The following EPS15L1 variants were observed in gnomAD, a reference collection of about 807,000 sequenced individuals.
The protein encoded by EPS15L1 is epidermal growth factor receptor substrate 15-like 1.
In EPS15L1, 43 loss-of-function variants were observed where a neutral mutation model predicts 117.1. The ratio of observed to expected loss-of-function variants is 0.37; its 90% CI spans 0.29 to 0.47. The LOEUF (loss-of-function observed/expected upper bound fraction) is 0.47. EPS15L1 is among the 20% of genes least tolerant of loss of function. The probability of loss-of-function intolerance (pLI) is 0.99; values close to 1 mark genes in which losing one functional copy is unlikely to be tolerated. For synonymous variants in EPS15L1, 459 were observed against 470.5 expected (o/e 0.98, Z 0.32); for missense variants, 981 against 1,164.0 (o/e 0.84, Z 2.29).
At chr19:16,419,197 T>C (rs986676796) in intron 10 of EPS15L1, among the ~76,000 whole-genome samples, 1 of 152,204 alleles carries the variant, frequency 6.6e-6, no homozygotes, top group Non-Finnish European at 1.5e-5. Flanking sequence ...CAATGGCTCA[T>C]GCCTGTGTTC....
chr19:16,380,183 C>T (rs571707701), intron 21 of EPS15L1, among the ~76,000 whole-genome samples: 3 of 150,798 alleles, frequency 2.0e-5, no homozygotes, highest in African/African-American at 7.3e-5. Flanking sequence ...GTCACACAGA[C>T]GTGGCCGTGT....
At chr19:16,368,048 C>T (rs1348208038) in intron 22 of EPS15L1, among the ~76,000 whole-genome samples, 4 of 151,994 alleles carry the variant, frequency 2.6e-5, no homozygotes, top group Admixed American at 6.6e-5. Flanking sequence ...CAGTTCAGTG[C>T]TGTACTTGGA....
Position 16,390,454 on chromosome 19 carries a change from AAAAC to A in EPS15L1, c.2103+1846_2103+1849del, listed in dbSNP as rs913390575. ...CTCTCTCAGACACTGGTAGGACTAA[AAAAC>A]AAACAAACAAGACACAGATAATCTG... is the stretch of plus-strand genomic sequence containing the variant. On this transcript the variant is annotated intron_variant, in intron 19 of 23. Coordinates refer to ENST00000455140, the MANE Select transcript of EPS15L1 (RefSeq NM_001258374.3). Among the ~76,000 whole-genome samples the A allele has an allele frequency of 1.9e-3, 286 of 152,292 alleles. 2 individuals carry two copies. Among genetic ancestry groups the A allele is most frequent in the Non-Finnish European group, 8.2e-4 (56 of 68,022 alleles).
At chr19:16,432,968 C>T (rs2092943843) in intron 7 of EPS15L1, among the ~76,000 whole-genome samples, 2 of 149,700 alleles carry the variant, frequency 1.3e-5, no homozygotes, top group South Asian at 4.2e-4. Context: ...CCACACCTGG[C>T]TAGTTTTTTG....
At chr19:16,390,055 A>C (rs965814928) in intron 19 of EPS15L1, among the ~76,000 whole-genome samples, 2 of 152,154 alleles carry the variant, frequency 1.3e-5, no homozygotes, top group African/African-American at 4.8e-5. Flanking sequence ...TGGACTAAAC[A>C]TTACACTTAC....
chr19:16,384,537 C>T (rs2092398569), intron 21 of EPS15L1, among the ~76,000 whole-genome samples: 2 of 152,190 alleles, frequency 1.3e-5, no homozygotes, highest in African/African-American at 4.8e-5. Flanking sequence ...AGAAGCCCTA[C>T]AGCTGTCTGG....
chr19:16,441,594 A>C, intron 3 of EPS15L1: 1 of 201,934 alleles, frequency 5.0e-6, no homozygotes. Flanking sequence ...GCGCCGCTGC[A>C]TTCCAGCCTA....
chr19:16,363,908 G>C (rs1451181995), intron 22 of EPS15L1, among the ~76,000 whole-genome samples: 1 of 152,232 alleles, frequency 6.6e-6, no homozygotes, highest in Non-Finnish European at 1.5e-5. Flanking sequence ...CCCACGGTTT[G>C]CACAGAAGGA....
In EPS15L1 at chr19:16,434,471, A is replaced by T. The variant is rs1358596029; in HGVS notation, c.392T>A (p.Phe131Tyr). 1 of 1,613,910 alleles carries T rather than the reference A, an allele frequency of 6.2e-7. No homozygotes were observed. Among genetic ancestry groups the T allele is most frequent in the Non-Finnish European group, 8.5e-7 (1 of 1,179,988 alleles). The change falls in exon 7 of 24, where the codon TTT (phenylalanine) becomes TAT (tyrosine). Residue 131 changes from phenylalanine to tyrosine, a missense_variant. By Grantham distance (22) the Phe-to-Tyr change is conservative (BLOSUM62 3). Coordinates refer to ENST00000455140, the MANE Select transcript of EPS15L1 (RefSeq NM_001258374.3). ...CAAGAGGCTTTCAAAAATCCCATCA[A>T]ATTTGGCCTTTTCTTCCACCTAGTT... ...WAVRVEEKAK[F>Y]DGIFESLLPI...
Position 16,375,466 on chromosome 19 carries a change from A to ATGTG in EPS15L1, c.2380+1652_2380+1655dup, listed in dbSNP as rs3082716. ...GTGCATGCATTGTGATTATGCATAT[A>ATGTG]TGTGTGTGTGTGTGTGTGTGTGTGT... On this transcript the variant is annotated intron_variant, in intron 22 of 23. Coordinates refer to ENST00000455140, the MANE Select transcript of EPS15L1 (RefSeq NM_001258374.3). 3.2e-3 allele frequency among the ~76,000 whole-genome samples: 478 copies of ATGTG among 149,410 alleles called. 3 individuals are homozygous for ATGTG. The highest frequency in any genetic ancestry group is 0.01 in the African/African-American group (421 of 40,760).
At chr19:16,464,983 G>A (rs1346036409) in intron 1 of EPS15L1, among the ~76,000 whole-genome samples, 1 of 151,950 alleles carries the variant, frequency 6.6e-6, no homozygotes, top group East Asian at 1.9e-4. Flanking sequence ...GGAGGCTGAG[G>A]CAGTAGAATG....
chr19:16,440,319 G>A (rs2093018652), intron 4 of EPS15L1, among the ~76,000 whole-genome samples: 1 of 151,636 alleles, frequency 6.6e-6, no homozygotes, highest in Non-Finnish European at 1.5e-5. Context: ...TGTAATCCCA[G>A]CTACTCCAGA....
chr19:16,396,527 G>A (rs1394541008), intron 16 of EPS15L1, among the ~76,000 whole-genome samples: 1 of 152,122 alleles, frequency 6.6e-6, no homozygotes, highest in Non-Finnish European at 1.5e-5. Context: ...GCCTCCCAAC[G>A]TACTGGGATT....
chr19:16,451,622 G>A (rs1377102436), intron 1 of EPS15L1, among the ~76,000 whole-genome samples: 3 of 150,934 alleles, frequency 2.0e-5, no homozygotes, highest in East Asian at 2.0e-4. Flanking sequence ...TCCACCTCCC[G>A]GGTTCACGCC....
At chr19:16,399,477 T>C (rs2092574556) in intron 16 of EPS15L1, among the ~76,000 whole-genome samples, 1 of 152,138 alleles carries the variant, frequency 6.6e-6, no homozygotes, top group South Asian at 2.1e-4. Context: ...ACGGCAACTC[T>C]GAAAGGGGGC....
chr19:16,414,108 TA>T (rs1367634285), intron 12 of EPS15L1, among the ~76,000 whole-genome samples: 2 of 152,096 alleles, frequency 1.3e-5, no homozygotes, highest in Non-Finnish European at 2.9e-5. Flanking sequence ...AAGTGGAAGT[TA>T]GAGATGTCCC....
intron 10 of EPS15L1, among the ~76,000 whole-genome samples, chr19:16,418,609 C>G (rs2092783625): frequency 6.6e-6 from 1 of 152,226 alleles, no homozygotes; most frequent in African/African-American, 2.4e-5. Flanking sequence ...AGCAACGACT[C>G]TCTTTCCTTG....
chr19:16,385,140 G>T lies in EPS15L1; in HGVS notation c.2236C>A (p.Gln746Lys), dbSNP rs1309051733. Residue 746 changes from glutamine (Q) to lysine (K), a missense_variant, in exon 21 of 24, where the codon CAG becomes AAG. Around this residue, in one of 5 missense-constraint regions of EPS15L1, gnomAD observed 819 missense variants for 949.0 expected, o/e 0.86. Transcript: ENST00000455140. ...TGGAGGGGCTTTACCTTGGACATCT[G>T]GCTGAAGTCGGCAAAGCCTTCAGCA... ...NSAEGFADFS[Q>K]MSKPPPSGPF... 6.2e-7 allele frequency: 1 copy of T among 1,613,850 alleles called. No individual in the cohort carries two copies. The highest frequency in any genetic ancestry group is 8.5e-7 in the Non-Finnish European group (1 of 1,179,856).
chr19:16,400,854 C>A, intron 16 of EPS15L1: 1 of 985,350 alleles, frequency 1.0e-6, no homozygotes, highest in Non-Finnish European at 1.2e-6. Context: ...CACTTCACTG[C>A]CAACTTTTAT....
Sources: gnomAD v4.1 joint callset for allele counts (sites outside exome capture counted in the v4.1 genomes callset) on GRCh38, gnomAD v4.1.1 for gene constraint, gnomAD v4.1.1 regional missense constraint, MANE v1.5 for transcripts, NCBI Gene and HGNC (gene_info 2026-07-23, HGNC 2026-07-21) for gene names.